Variants in APC observed in about 807,000 individuals in gnomAD.
APC encodes adenomatous polyposis coli protein.
APC carries 72 observed loss-of-function variants against 247.0 expected under a neutral mutation model. The observed-to-expected ratio is 0.29, with a 90% CI of 0.24 to 0.35. The LOEUF is 0.35. Among genes scored for constraint, APC ranks in the 10% least tolerant of loss-of-function variants. The pLI, the probability that APC is intolerant of heterozygous loss-of-function variation, is 1.00. For missense variants in APC, 3,400 were observed against 3,360.7 expected, an observed-to-expected ratio of 1.01 and a Z score of -0.29; for synonymous variants, 1,254 against 1,162.5, an observed-to-expected ratio of 1.08 and a Z score of -1.60.
chr5:112,773,156 A>G lies in APC; in HGVS notation c.423-2473A>G, dbSNP rs79339870. ...CCATCACTATTAAGGTTGCCACATA[A>G]GAACAAAAGCTTATTTCTTATTTTT... On this transcript the variant is annotated intron_variant, in intron 4 of 15. Transcript: ENST00000257430. Among the ~76,000 whole-genome samples the G allele has an allele frequency of 7.8e-3, 1,185 of 152,322 alleles. 12 individuals carry two copies. Among genetic ancestry groups the G allele is most frequent in the African/African-American group, 0.026 (1,098 of 41,582 alleles).
At position 112,808,747 on chromosome 5, in the gene APC, A is replaced by T. The variant is rs1914; in HGVS notation, c.835-6748A>T. Among the ~76,000 whole-genome samples, 59,933 of 151,990 alleles carry T rather than the reference A, an allele frequency of 0.39. 14,266 individuals carry two copies. Among genetic ancestry groups the T allele is most frequent in the East Asian group, 0.67 (3,455 of 5,156 alleles). On this transcript the variant is annotated intron_variant, in intron 8 of 15. Coordinates refer to ENST00000257430, the MANE Select transcript of APC (RefSeq NM_000038.6). ...TTTTATAGAGTGTCCCATACTCTAG[A>T]TTTTGCTGATGACTCCCCATGATAT...
chr5:112,801,056 C>T (rs1462066147), intron 7 of APC, among the ~76,000 whole-genome samples: 3 of 152,092 alleles, frequency 2.0e-5, no homozygotes, highest in African/African-American at 7.2e-5. Context: ...TCCTTTGTCT[C>T]GTGCAGCTCT....
At chr5:112,802,097 T>C (rs1760891739) in intron 8 of APC, among the ~76,000 whole-genome samples, 2 of 152,134 alleles carry the variant, frequency 1.3e-5, no homozygotes, top group Admixed American at 1.3e-4. Context: ...TGAATGACTT[T>C]TTAAAAACAG....
intron 8 of APC, among the ~76,000 whole-genome samples, chr5:112,804,604 T>C (rs981312278): frequency 6.6e-6 from 1 of 152,176 alleles, no homozygotes; most frequent in Non-Finnish European, 1.5e-5. Context: ...AGTCTCAATC[T>C]CTTGACCTCG....
intron 1 of APC, among the ~76,000 whole-genome samples, chr5:112,720,634 A>C (rs1233376267): frequency 6.6e-6 from 1 of 152,260 alleles, no homozygotes; most frequent in Non-Finnish European, 1.5e-5. Flanking sequence ...GTAGGTCGTC[A>C]GCAAAGAGTG....
intron 7 of APC, among the ~76,000 whole-genome samples, chr5:112,798,835 G>C (rs1466312781): frequency 6.6e-6 from 1 of 152,108 alleles, no homozygotes; most frequent in Non-Finnish European, 1.5e-5. Context: ...TGGAATTCCA[G>C]CTCTGACTCT....
At chr5:112,723,523 C>T (rs1402496395) in intron 1 of APC, among the ~76,000 whole-genome samples, 1 of 152,024 alleles carries the variant, frequency 6.6e-6, no homozygotes, top group Non-Finnish European at 1.5e-5. Flanking sequence ...GTATTTCACA[C>T]TGTGCTAAAC....
chr5:112,725,978 CT>C (rs1415295127), intron 1 of APC, among the ~76,000 whole-genome samples: 1 of 152,192 alleles, frequency 6.6e-6, no homozygotes, highest in Non-Finnish European at 1.5e-5. Context: ...TCCCTGACCC[CT>C]GTTGCAGGAT....
chr5:112,713,041 G>C (rs991909384), intron 1 of APC, among the ~76,000 whole-genome samples: 1 of 151,908 alleles, frequency 6.6e-6, no homozygotes, highest in African/African-American at 2.4e-5. Context: ...TATGGTGGCA[G>C]GCGCCTGTAA....
In APC at chr5:112,843,412, A is replaced by C. The variant is rs1221514715; in HGVS notation, c.7818A>C (p.Val2606=). 1 of 1,613,190 alleles carries C rather than the reference A, an allele frequency of 6.2e-7. No homozygotes were observed. Among genetic ancestry groups the C allele is most frequent in the Admixed American group, 1.7e-5 (1 of 59,932 alleles). ...SGTKQSKENQ[V]SAKGTWRKIK... is the part of the protein sequence containing the mutation. The stretch of plus-strand genomic sequence containing the variant: ...CCAAACAAAGTAAAGAAAACCAAGT[A>C]TCCGCAAAAGGAACATGGAGAAAAA... The change falls in exon 16 of 16, where the codon GTA becomes GTC. Residue 2606 remains valine (V), a synonymous_variant. Transcript: ENST00000257430. The surrounding 1 kb of genome is among the most constrained non-coding windows in gnomAD (Gnocchi z 4.8).
At position 112,841,711 on chromosome 5, in the gene APC, G is replaced by T. The variant is rs372418435; in HGVS notation, c.6117G>T (p.Leu2039Phe). 3.3e-5 allele frequency: 54 copies of T among 1,613,698 alleles called. No individual in the cohort carries two copies. The highest frequency in any genetic ancestry group is 4.3e-5 in the Non-Finnish European group (51 of 1,179,764). Residue 2039 changes from leucine to phenylalanine, a missense_variant, in exon 16 of 16, where the codon TTG becomes TTT. Around this residue, in one of 9 missense-constraint regions of APC, gnomAD observed 1,788 missense variants for 1,649.5 expected, o/e 1.08. Transcript: ENST00000257430. The surrounding 1 kb of genome is among the most constrained non-coding windows in gnomAD (Gnocchi z 4.6). ...GTATTGACTCTGAAGATGACCTGTT[G>T]CAGGAATGTATAAGCTCCGCAATGC... ...SLSIDSEDDL[L>F]QECISSAMPK...
chr5:112,778,483 G>C (rs78706182), intron 5 of APC: 1 of 146,492 alleles, frequency 6.8e-6, no homozygotes. Context: ...AAAAAAAAAA[G>C]AAAATTATAT....
chr5:112,736,246 TTTTA>T (rs1330702153), upstream of APC, among the ~76,000 whole-genome samples: 4 of 152,264 alleles, frequency 2.6e-5, no homozygotes, highest in African/African-American at 4.8e-5. Context: ...ATTTACATGC[TTTTA>T]TTTATTTCAA....
Position 112,747,252 on chromosome 5 carries a change from C to A in APC, c.-18-7621C>A, listed in dbSNP as rs78383074. On this transcript the variant is annotated intron_variant, in intron 1 of 15. Transcript: ENST00000257430. ...GGACCTTTTTCTTGAGGGGGGAAAA[C>A]CCTGGAAAATTTGATTGCAGAGGCT... 6.6e-6 allele frequency among the ~76,000 whole-genome samples: 1 copy of A among 151,870 alleles called. No individual in the cohort carries two copies. Among genetic ancestry groups the A allele is most frequent in the Non-Finnish European group, 1.5e-5 (1 of 67,988 alleles).
chr5:112,787,032 C>A (rs763181711), intron 6 of APC, among the ~76,000 whole-genome samples: 1 of 151,998 alleles, frequency 6.6e-6, no homozygotes, highest in Non-Finnish European at 1.5e-5. Flanking sequence ...GAATTACAGG[C>A]ATGTGCCACC....
rs976000214 is a variant in APC at position 112,837,839 on chromosome 5, T to G, written c.2245T>G (p.Leu749Val). 1.2e-6 allele frequency: 2 copies of G among 1,614,054 alleles called. No homozygotes were observed. The highest frequency in any genetic ancestry group is 1.3e-5 in the African/African-American group (1 of 75,050). Residue 749 changes from leucine (L) to valine (V), a missense_variant, in exon 16 of 16, where the codon TTG (leucine) becomes GTG (valine). Physicochemically the swap from Leu to Val is conservative, Grantham distance 32. This residue lies in a region of APC where 91 missense variants were observed against 103.3 expected (regional missense o/e 0.88). Coordinates refer to ENST00000257430, the MANE Select transcript of APC (RefSeq NM_000038.6). ...CAATATTATGTCTCCTGGCTCAAGC[T>G]TGCCATCTCTTCATGTTAGGAAACA... ...DANIMSPGSSLPSLHVRKQKA... is the reference protein window; with the variant it reads ...DANIMSPGSSVPSLHVRKQKA...
intron 6 of APC, among the ~76,000 whole-genome samples, chr5:112,791,406 C>G (rs187439407): frequency 2.1e-4 from 32 of 152,282 alleles, no homozygotes; most frequent in African/African-American, 6.5e-4. Context: ...CTGTTTAAAC[C>G]AGGGGTCCCC....
At chr5:112,713,831 T>C (rs1751004045) in intron 1 of APC, among the ~76,000 whole-genome samples, 1 of 152,166 alleles carries the variant, frequency 6.6e-6, no homozygotes, top group Non-Finnish European at 1.5e-5. Context: ...CTAATTTTTG[T>C]ATTTTTAGTA....
At chr5:112,762,392 A>C (rs1199585926) in intron 2 of APC, among the ~76,000 whole-genome samples, 1 of 152,226 alleles carries the variant, frequency 6.6e-6, no homozygotes, top group African/African-American at 2.4e-5. Flanking sequence ...AAGAATGTTC[A>C]TAGTGACATT....
Sources: allele counts gnomAD v4.1 joint callset (sites outside exome capture counted in the v4.1 genomes callset), GRCh38; gene constraint gnomAD v4.1.1; regional missense constraint gnomAD v4.1.1; non-coding constraint Gnocchi (gnomAD v3.1); transcripts MANE v1.5; gene names NCBI Gene and HGNC (gene_info 2026-07-23, HGNC 2026-07-21).